SLC9A8: variants seen among roughly 807,000 people sequenced by gnomAD.
The protein encoded by SLC9A8 is solute carrier family 9 member A8, also known as sodium/hydrogen exchanger 8.
SLC9A8 carries 48 observed loss-of-function variants against 66.6 expected under a neutral mutation model. The ratio of observed to expected loss-of-function variants is 0.72; its 90% CI spans 0.57 to 0.92. The LOEUF (loss-of-function observed/expected upper bound fraction) is 0.92. Ranked by LOEUF, SLC9A8 falls within the 40% of genes least tolerant of loss-of-function variation. The pLI, the probability that SLC9A8 is intolerant of heterozygous loss-of-function variation, is 0.00. For missense variants in SLC9A8, 599 were observed against 747.3 expected (o/e 0.80, Z 2.31); for synonymous variants, 274 against 282.6 (o/e 0.97, Z 0.31).
intron 4 of SLC9A8, among the ~76,000 whole-genome samples, chr20:49,841,115 G>A (rs1215012225): frequency 6.6e-6 from 1 of 152,088 alleles, no homozygotes; most frequent in Non-Finnish European, 1.5e-5. Context: ...GACCAGCCTG[G>A]CCAACATGGT....
At chr20:49,887,611 C>T (rs2089937610) in intron 15 of SLC9A8, among the ~76,000 whole-genome samples, 1 of 152,156 alleles carries the variant, frequency 6.6e-6, no homozygotes, top group African/African-American at 2.4e-5. Context: ...TCAAGCCATG[C>T]TCCCTCCTCC....
At chr20:49,850,752 T>C in intron 6 of SLC9A8, 58 bp from the exon 7 acceptor site, 3 of 1,597,330 alleles carry the variant, frequency 1.9e-6, no homozygotes, top group Non-Finnish European at 2.6e-6. Context: ...AAATCTTGGC[T>C]GTTCTCCAGG....
chr20:49,817,240 C>G (rs150133295), intron 2 of SLC9A8, among the ~76,000 whole-genome samples: 1 of 151,648 alleles, frequency 6.6e-6, no homozygotes, highest in African/African-American at 2.4e-5. Context: ...TCACTTGAAC[C>G]CGGGAGGCAG....
At chr20:49,826,974 CCTT>C (rs2037652515) in intron 3 of SLC9A8, among the ~76,000 whole-genome samples, 1 of 151,358 alleles carries the variant, frequency 6.6e-6, no homozygotes, top group African/African-American at 2.4e-5. Flanking sequence ...GACAGAGTCT[CCTT>C]CTTTCACCCA....
At chr20:49,824,804 T>C (rs779935670) in intron 3 of SLC9A8, among the ~76,000 whole-genome samples, 3 of 152,190 alleles carry the variant, frequency 2.0e-5, no homozygotes, top group Admixed American at 6.5e-5. Context: ...CAAGTCAAGA[T>C]TGGTCTTTGC....
At chr20:49,852,087 C>T (rs902223351) in intron 7 of SLC9A8, among the ~76,000 whole-genome samples, 1 of 152,162 alleles carries the variant, frequency 6.6e-6, no homozygotes, top group Admixed American at 6.5e-5. Flanking sequence ...AAGTGACGAT[C>T]CCTCAGATGG....
chr20:49,856,317 A>G (rs2088481920), intron 8 of SLC9A8, among the ~76,000 whole-genome samples: 1 of 152,216 alleles, frequency 6.6e-6, no homozygotes, highest in Admixed American at 6.5e-5. Flanking sequence ...ATTGGCAACA[A>G]AAGCAATAGA....
intron 4 of SLC9A8, among the ~76,000 whole-genome samples, chr20:49,842,365 G>A (rs998582508): frequency 3.3e-5 from 5 of 152,266 alleles, no homozygotes; most frequent in Admixed American, 6.5e-5. Context: ...ACCACGCCTG[G>A]CCATGTTTAT....
chr20:49,884,226 A>G lies in SLC9A8; in HGVS notation c.1491+160A>G, dbSNP rs1289381987. On this transcript the variant is annotated intron_variant, in intron 14 of 15. Coordinates refer to ENST00000361573, the MANE Select transcript of SLC9A8 (RefSeq NM_015266.3). Reference sequence around the variant, plus strand: ...CACACACACACACACACACACACACACACACACACACACACGACACACACA... The same window carrying G: ...CACACACACACACACACACACACACGCACACACACACACACGACACACACA... 1.4e-3 allele frequency: 263 copies of G among 188,344 alleles called. 1 individual carries two copies. Among genetic ancestry groups the G allele is most frequent in the South Asian group, 2.4e-3 (54 of 22,548 alleles). The allele number at this position is 188,344 out of a possible 1,614,324, so 11.7% of individuals were successfully genotyped here.
chr20:49,870,501 A>G (rs1216362112), intron 10 of SLC9A8, among the ~76,000 whole-genome samples: 1 of 152,100 alleles, frequency 6.6e-6, no homozygotes, highest in Non-Finnish European at 1.5e-5. Flanking sequence ...GATGTGCGGG[A>G]GTGTGGCATG....
intron 14 of SLC9A8, among the ~76,000 whole-genome samples, chr20:49,884,336 A>ACACACACACACACCC (rs1568884621): frequency 9.2e-6 from 1 of 108,478 alleles, no homozygotes; most frequent in Non-Finnish European, 1.9e-5. Context: ...ACACACACAC[A>ACACACACACACACCC]CCCCCCGGTC....
At chr20:49,820,173 C>T (rs541259802) in intron 2 of SLC9A8, among the ~76,000 whole-genome samples, 3 of 152,230 alleles carry the variant, frequency 2.0e-5, no homozygotes, top group East Asian at 1.9e-4. Context: ...CATGTTCTTG[C>T]GAACACTTGT....
chr20:49,880,089 C>T (rs2089570968), intron 12 of SLC9A8, among the ~76,000 whole-genome samples: 1 of 151,550 alleles, frequency 6.6e-6, no homozygotes, highest in African/African-American at 2.4e-5. Flanking sequence ...AGCAAGACCT[C>T]ATCTTTAACT....
Position 49,845,028 on chromosome 20 carries a change from A to T in SLC9A8, c.349-8A>T. On this transcript the variant is annotated splice_polypyrimidine_tract_variant and splice_region_variant and intron_variant, in intron 4 of 15. Coordinates refer to ENST00000361573, the MANE Select transcript of SLC9A8 (RefSeq NM_015266.3). Reference sequence around the variant, plus strand: ...CATGCCCTTAAGATACTCATTTTCTATTTACAGGAAGAAGAAATGTTTCGT... The same window carrying T: ...CATGCCCTTAAGATACTCATTTTCTTTTTACAGGAAGAAGAAATGTTTCGT... 1 of 1,601,362 alleles carries T rather than the reference A, an allele frequency of 6.2e-7. No homozygotes were observed. Among genetic ancestry groups the T allele is most frequent in the Non-Finnish European group, 8.6e-7 (1 of 1,168,650 alleles).
At chr20:49,870,395 G>A (rs2089167695) in intron 10 of SLC9A8, among the ~76,000 whole-genome samples, 1 of 152,228 alleles carries the variant, frequency 6.6e-6, no homozygotes, top group African/African-American at 2.4e-5. Context: ...TGGCACTGGA[G>A]CCCAGACCTG....
chr20:49,815,562 T>A (rs142205315), intron 2 of SLC9A8: 2,363 of 162,096 alleles, frequency 0.015, 24 homozygotes, highest in Middle Eastern at 0.039. Flanking sequence ...CTGGCCAACA[T>A]GGTGAAACTC....
chr20:49,836,402 C>A (rs546443661), intron 3 of SLC9A8, among the ~76,000 whole-genome samples: 132 of 152,288 alleles, frequency 8.7e-4, no homozygotes, highest in Non-Finnish European at 1.6e-3. Context: ...GGCGCAATCT[C>A]GGCCTACTGC....
intron 13 of SLC9A8, among the ~76,000 whole-genome samples, chr20:49,883,082 G>T (rs1344429769): frequency 7.1e-6 from 1 of 139,940 alleles, no homozygotes; most frequent in Non-Finnish European, 1.5e-5. Flanking sequence ...CCTCCTCCCA[G>T]CTGCTCTAGG....
At chr20:49,858,001 AAGAG>A (rs1188875704) in intron 8 of SLC9A8, among the ~76,000 whole-genome samples, 1 of 152,248 alleles carries the variant, frequency 6.6e-6, no homozygotes, top group Non-Finnish European at 1.5e-5. Context: ...ACAAGCAAAA[AAGAG>A]AGAAGTATCA....
Sources: allele counts gnomAD v4.1 joint callset (sites outside exome capture counted in the v4.1 genomes callset), GRCh38; gene constraint gnomAD v4.1.1; transcripts MANE v1.5; gene names NCBI Gene and HGNC (gene_info 2026-07-23, HGNC 2026-07-21).